The following ZFHX3 variants were observed in gnomAD, a reference collection of about 807,000 sequenced individuals.
ZFHX3 encodes zinc finger homeobox protein 3.
In ZFHX3, 42 loss-of-function variants were observed where a neutral mutation model predicts 279.1. The ratio of observed to expected loss-of-function variants is 0.15; its 90% CI spans 0.12 to 0.19. The LOEUF (loss-of-function observed/expected upper bound fraction) is 0.19. Ranked by LOEUF, ZFHX3 falls within the 10% of genes least tolerant of loss-of-function variation. The pLI, the probability that ZFHX3 is intolerant of heterozygous loss-of-function variation, is 1.00. For missense variants in ZFHX3, 4,981 were observed against 4,754.0 expected, an observed-to-expected ratio of 1.05 and a Z score of -1.40; for synonymous variants, 2,293 against 1,957.8, an observed-to-expected ratio of 1.17 and a Z score of -4.52.
chr16:73,122,432 C>G (rs745929614), intron 7 of ZFHX3, among the ~76,000 whole-genome samples: 2 of 151,946 alleles, frequency 1.3e-5, no homozygotes, highest in Non-Finnish European at 2.9e-5. Flanking sequence ...GTCTCGAAAC[C>G]CGGACCTCAA....
intron 4 of ZFHX3, among the ~76,000 whole-genome samples, chr16:72,879,921 G>A (rs986961817): frequency 6.6e-6 from 1 of 152,202 alleles, no homozygotes; most frequent in African/African-American, 2.4e-5. Context: ...GGCTGTGTGA[G>A]AACAGGCAAG....
intron 7 of ZFHX3, among the ~76,000 whole-genome samples, chr16:73,104,578 G>T (rs1966271359): frequency 2.0e-5 from 3 of 152,142 alleles, no homozygotes. Context: ...CAGTGAAGGA[G>T]TGGGACATTT....
At chr16:73,324,083 A>T (rs1437157331) in intron 3 of ZFHX3, among the ~76,000 whole-genome samples, 1 of 152,202 alleles carries the variant, frequency 6.6e-6, no homozygotes. Flanking sequence ...AGAGTAGCTG[A>T]CAAGAGCCTT....
At chr16:72,907,876 G>A (rs2039222986) in intron 3 of ZFHX3, among the ~76,000 whole-genome samples, 2 of 151,818 alleles carry the variant, frequency 1.3e-5, no homozygotes, top group African/African-American at 4.8e-5. Flanking sequence ...TAGAGATGGG[G>A]TCTCATCATC....
chr16:73,771,980 T>A (rs983957396), intron 1 of ZFHX3, among the ~76,000 whole-genome samples: 1 of 152,174 alleles, frequency 6.6e-6, no homozygotes, highest in African/African-American at 2.4e-5. Flanking sequence ...AAGTTTGTTC[T>A]CCCAACCTTC....
At chr16:73,435,459 C>T (rs2017980868) in intron 3 of ZFHX3, among the ~76,000 whole-genome samples, 1 of 152,156 alleles carries the variant, frequency 6.6e-6, no homozygotes, top group Non-Finnish European at 1.5e-5. Flanking sequence ...ATCTGCCTGC[C>T]TCGGCCTCCC....
rs534752003 is a variant in ZFHX3, at chr16:73,097,215, C to G, written c.-896-3617G>C. ...ACTAGAGGTGCTTGCCTCCTCACCA[C>G]ACCCAGCTAATTTTAATTTTTTTTT... On this transcript the variant is annotated intron_variant, in intron 7 of 17. Transcript: ENST00000641206. Among the ~76,000 whole-genome samples, 21 of 149,620 alleles carry G rather than the reference C, an allele frequency of 1.4e-4. 1 individual carries two copies. Among genetic ancestry groups the G allele is most frequent in the African/African-American group, 4.5e-4 (18 of 40,428 alleles).
chr16:73,179,168 T>A (rs1967733787), intron 5 of ZFHX3, among the ~76,000 whole-genome samples: 1 of 152,228 alleles, frequency 6.6e-6, no homozygotes, highest in Admixed American at 6.5e-5. Flanking sequence ...GGCTTGGCAT[T>A]TGATTTCTGG....
chr16:73,714,940 C>T (rs1470800843), intron 1 of ZFHX3, among the ~76,000 whole-genome samples: 1 of 152,228 alleles, frequency 6.6e-6, no homozygotes, highest in African/African-American at 2.4e-5. Flanking sequence ...GCTAGAGTCT[C>T]ATCTCCTCGG....
intron 3 of ZFHX3, among the ~76,000 whole-genome samples, chr16:73,405,957 G>A (rs972658540): frequency 2.6e-5 from 4 of 152,224 alleles, no homozygotes; most frequent in African/African-American, 7.2e-5. Context: ...GTTGGAGAGT[G>A]CCACACAAAC....
intron 8 of ZFHX3, among the ~76,000 whole-genome samples, chr16:73,070,967 CACACAT>C (rs1567657093): frequency 8.1e-6 from 1 of 123,334 alleles, no homozygotes; most frequent in Non-Finnish European, 1.7e-5. Flanking sequence ...CACACACACA[CACACAT>C]CTGGGTGCCC....
chr16:73,823,676 T>C lies in ZFHX3; in HGVS notation c.-1608+67975A>G, dbSNP rs9933915. On this transcript the variant is annotated intron_variant, in intron 1 of 17. Coordinates refer to the ZFHX3 transcript ENST00000641206. ...GCGCTACAATGGCAGAATGGAGAGTTGCTACGGAGACCATCAGACCCGCAA... is the reference window on the plus strand; with the variant it reads ...GCGCTACAATGGCAGAATGGAGAGTCGCTACGGAGACCATCAGACCCGCAA... 3.5e-3 allele frequency among the ~76,000 whole-genome samples: 536 copies of C among 152,304 alleles called. 4 individuals carry two copies. The highest frequency in any genetic ancestry group is 0.012 in the African/African-American group (500 of 41,566).
chr16:73,571,284 A>C (rs1247337373), intron 2 of ZFHX3, among the ~76,000 whole-genome samples: 1 of 151,668 alleles, frequency 6.6e-6, no homozygotes, highest in Non-Finnish European at 1.5e-5. Context: ...CCTCCCATCA[A>C]AGATAATCTA....
chr16:72,788,312 G>T lies in ZFHX3; in HGVS notation c.9964C>A (p.Gln3322Lys), dbSNP rs1317888280. The T allele has an allele frequency of 6.2e-6, 10 of 1,614,082 alleles. No individual in the cohort carries two copies. Among genetic ancestry groups the T allele is most frequent in the Non-Finnish European group, 7.6e-6 (9 of 1,180,050 alleles). ...VPGFSPYYAP[Q>K]IPGALQSGYL... Reference sequence around the variant, plus strand: ...CCGCTCTGCAGGGCGCCAGGGATCTGGGGAGCATAATAAGGAGAAAAGCCT... The same window carrying T: ...CCGCTCTGCAGGGCGCCAGGGATCTTGGGAGCATAATAAGGAGAAAAGCCT... Residue 3322 changes from glutamine (Q) to lysine (K), a missense_variant, in exon 10 of 10, where the codon CAG becomes AAG. By Grantham distance (53) the Gln-to-Lys change is moderately conservative (BLOSUM62 1). Around this residue, in one of 7 missense-constraint regions of ZFHX3, gnomAD observed 1,034 missense variants for 786.0 expected, o/e 1.32. Coordinates refer to ENST00000268489, the MANE Select transcript of ZFHX3 (RefSeq NM_006885.4).
At chr16:72,976,051 A>G (rs557551736) in intron 1 of ZFHX3, among the ~76,000 whole-genome samples, 4 of 152,188 alleles carry the variant, frequency 2.6e-5, no homozygotes, top group African/African-American at 7.2e-5. Context: ...AATGTGATCA[A>G]TGTAGATCAA....
At position 72,967,865 on chromosome 16, in the gene ZFHX3, T is replaced by C. The variant is rs572733796; in HGVS notation, c.-49-7671A>G. Among the ~76,000 whole-genome samples the C allele has an allele frequency of 3.8e-3, 577 of 151,056 alleles. 2 individuals are homozygous for C. The highest frequency in any genetic ancestry group is 0.013 in the African/African-American group (525 of 41,080). ...ATGGCGTGAACCCGGGAGACACAACTTGCAGTGAGCCGAGATCGTGCCACT... is the reference window on the plus strand; with the variant it reads ...ATGGCGTGAACCCGGGAGACACAACCTGCAGTGAGCCGAGATCGTGCCACT... On this transcript the variant is annotated intron_variant, in intron 1 of 9. Transcript: ENST00000268489.
chr16:73,815,823 C>A (rs1960555268), intron 1 of ZFHX3: 1 of 152,198 alleles, frequency 6.6e-6, no homozygotes, highest in East Asian at 1.9e-4. Context: ...CCTCGGCCTC[C>A]CAAAGTGTTG....
intron 2 of ZFHX3, among the ~76,000 whole-genome samples, chr16:73,508,510 T>C (rs377540679): frequency 5.3e-5 from 8 of 152,220 alleles, no homozygotes; most frequent in African/African-American, 1.9e-4. Flanking sequence ...TCTTCAGCAC[T>C]GTCATTACAC....
At chr16:73,617,770 G>C (rs994724366) in intron 2 of ZFHX3, among the ~76,000 whole-genome samples, 1 of 151,350 alleles carries the variant, frequency 6.6e-6, no homozygotes. Flanking sequence ...ATGTTAACTT[G>C]TTTTTTTTTA....
Sources: gnomAD v4.1 joint callset for allele counts (sites outside exome capture counted in the v4.1 genomes callset) on GRCh38, gnomAD v4.1.1 for gene constraint, gnomAD v4.1.1 regional missense constraint, MANE v1.5 for transcripts, NCBI Gene and HGNC (gene_info 2026-07-23, HGNC 2026-07-21) for gene names.